The following RREB1 variants were observed in gnomAD, a reference collection of about 807,000 sequenced individuals.
RREB1 encodes the protein ras responsive element binding protein 1.
Under a neutral mutation model 117.8 loss-of-function variants are expected in RREB1, and 27 were observed. The ratio of observed to expected loss-of-function variants is 0.23; its 90% CI spans 0.17 to 0.32. RREB1 has a LOEUF of 0.32. Ranked by LOEUF, RREB1 falls within the 10% of genes least tolerant of loss-of-function variation. RREB1 has a pLI of 1.00. For synonymous variants in RREB1, 1,298 were observed against 1,026.7 expected (o/e 1.26, Z -5.05); for missense variants, 2,577 against 2,378.2 (o/e 1.08, Z -1.74).
At position 7,226,612 on chromosome 6, in the gene RREB1, G is replaced by C. The variant is rs1195604190; in HGVS notation, c.853G>C (p.Gly285Arg). 3.7e-6 allele frequency: 6 copies of C among 1,614,046 alleles called. No individual in the cohort carries two copies. The East Asian group carries it at 1.3e-4, about 36-fold the overall frequency. ...AATTCCTGCTGGCTTCCACGACTTA[G>C]GATTCACGGACTTCTCCTGTAGGAA... ...PSIPAGFHDL[G>R]FTDFSCRKFP... The change falls in exon 9 of 13, where the codon GGA becomes CGA. Residue 285 changes from glycine (G) to arginine (R), a missense_variant. Transcript: ENST00000379938.
rs1158578851 is a variant in RREB1, at chr6:7,226,580, A to G, written c.821A>G (p.Asn274Ser). ...ATGGGCAGACCTTTCATACAGAACA[A>G]CCCTTCAATTCCTGCTGGCTTCCAC... ...DAMGRPFIQN[N>S]PSIPAGFHDL... Residue 274 changes from asparagine (N) to serine (S), a missense_variant, in exon 9 of 13, where the codon AAC (asparagine) becomes AGC (serine). Asn to Ser is a conservative substitution (Grantham distance 46). Transcript: ENST00000379938. 95 of 1,614,102 alleles carry G rather than the reference A, an allele frequency of 5.9e-5. No homozygotes were observed. The highest frequency in any genetic ancestry group is 7.9e-5 in the Non-Finnish European group (93 of 1,180,000).
At position 7,246,351 on chromosome 6, in the gene RREB1, C is replaced by T. The variant is rs986700680; in HGVS notation, c.3974-73C>T. On this transcript the variant is annotated intron_variant, in intron 11 of 12. Transcript: ENST00000379938. ...GCTGCTGGCGTGGGTCTAGCCCATTCCCGGCGACATCCCTGGCATGGGCGT... is the reference window on the plus strand; with the variant it reads ...GCTGCTGGCGTGGGTCTAGCCCATTTCCGGCGACATCCCTGGCATGGGCGT... 28 of 1,354,312 alleles carry T rather than the reference C, an allele frequency of 2.1e-5. No individual in the cohort carries two copies. In the African/African-American group the frequency reaches 4.0e-4, roughly 19 times the overall value. 83.9% of individuals were successfully genotyped at this position (1,354,312 alleles called of 1,614,324 possible).
intron 1 of RREB1, among the ~76,000 whole-genome samples, chr6:7,161,513 T>C (rs767371467): frequency 6.6e-6 from 1 of 152,156 alleles, no homozygotes; most frequent in Non-Finnish European, 1.5e-5. Flanking sequence ...ACATGTATAT[T>C]AGTATGGTTG....
At chr6:7,238,311 C>T (rs1267772404) in intron 10 of RREB1, among the ~76,000 whole-genome samples, 1 of 152,218 alleles carries the variant, frequency 6.6e-6, no homozygotes, top group African/African-American at 2.4e-5. Flanking sequence ...AATCTCTGCT[C>T]ACTGCCACCT....
chr6:7,224,036 A>ATT (rs11400428), intron 8 of RREB1, among the ~76,000 whole-genome samples: 2 of 150,788 alleles, frequency 1.3e-5, no homozygotes, highest in African/African-American at 2.4e-5. Flanking sequence ...TGGACAGAAT[A>ATT]TTTTTTTTTT....
At chr6:7,187,345 A>G in intron 4 of RREB1, 89 bp from the exon 5 acceptor site, 1 of 698,460 alleles carries the variant, frequency 1.4e-6, no homozygotes, top group Admixed American at 2.3e-5. Flanking sequence ...CTACATAGAC[A>G]CAAGTGCTTA....
At chr6:7,113,582 G>A (rs1056348964) in intron 1 of RREB1, among the ~76,000 whole-genome samples, 3 of 152,076 alleles carry the variant, frequency 2.0e-5, no homozygotes, top group Non-Finnish European at 2.9e-5. Flanking sequence ...GGTCCACCCG[G>A]GGGCTGTTAA....
intron 1 of RREB1, among the ~76,000 whole-genome samples, chr6:7,150,040 T>G (rs903324973): frequency 1.3e-5 from 2 of 151,974 alleles, no homozygotes; most frequent in Admixed American, 1.3e-4. Context: ...TTGCTAATTT[T>G]ATTCTTCTCA....
In RREB1 at chr6:7,113,269, G is replaced by A. The variant is rs747475620; in HGVS notation, c.-285+5209G>A. 6.1e-4 allele frequency among the ~76,000 whole-genome samples: 93 copies of A among 152,256 alleles called. No individual in the cohort carries two copies. In the Middle Eastern group the frequency reaches 0.017, roughly 28 times the overall value. ...CAGACAGCCAGAGTGAAGAGAAAAC[G>A]TCTCAGTGGGGGTAATTAGATAAAG... On this transcript the variant is annotated intron_variant, in intron 1 of 12. Transcript: ENST00000379938.
At chr6:7,216,709 A>G (rs1006306142) in intron 8 of RREB1, 2 of 152,244 alleles carry the variant, frequency 1.3e-5, no homozygotes, top group Non-Finnish European at 2.9e-5. Flanking sequence ...AAAAGATAAA[A>G]TATTTGTCAG....
At chr6:7,166,568 AT>A (rs1763939240) in intron 1 of RREB1, among the ~76,000 whole-genome samples, 1 of 152,128 alleles carries the variant, frequency 6.6e-6, no homozygotes, top group South Asian at 2.1e-4. Flanking sequence ...GTAACGTCTG[AT>A]TACGCACTGT....
intron 12 of RREB1, 53 bp downstream of exon 12, chr6:7,247,274 C>A: frequency 6.5e-7 from 1 of 1,532,874 alleles, no homozygotes; most frequent in Admixed American, 2.0e-5. Context: ...GAGCCGGGCA[C>A]CTCTCCTAGG....
chr6:7,149,198 C>T (rs1382861524), intron 1 of RREB1, among the ~76,000 whole-genome samples: 1 of 152,192 alleles, frequency 6.6e-6, no homozygotes, highest in Non-Finnish European at 1.5e-5. Context: ...GCTGGAATTA[C>T]AGTTGTGAGC....
intron 1 of RREB1, among the ~76,000 whole-genome samples, chr6:7,128,019 C>G (rs1669897907): frequency 6.6e-6 from 1 of 152,074 alleles, no homozygotes; most frequent in Non-Finnish European, 1.5e-5. Context: ...TGTAGAGGCA[C>G]AACATTGCCT....
At chr6:7,200,066 C>G (rs887732508) in intron 6 of RREB1, among the ~76,000 whole-genome samples, 1 of 152,106 alleles carries the variant, frequency 6.6e-6, no homozygotes, top group Non-Finnish European at 1.5e-5. Flanking sequence ...TTGACAGTCT[C>G]TTGTGTAGCC....
chr6:7,207,099 GC>G (rs1766318663), intron 6 of RREB1, among the ~76,000 whole-genome samples: 1 of 152,132 alleles, frequency 6.6e-6, no homozygotes, highest in Non-Finnish European at 1.5e-5. Flanking sequence ...GAGCAGAGGG[GC>G]CAGCTTAAGA....
intron 6 of RREB1, among the ~76,000 whole-genome samples, chr6:7,197,625 C>T (rs185333982): frequency 2.6e-5 from 4 of 152,178 alleles, no homozygotes; most frequent in Admixed American, 1.3e-4. Flanking sequence ...GAGATCACGC[C>T]GCTGCACTCC....
chr6:7,238,018 A>G (rs372309203), intron 10 of RREB1, among the ~76,000 whole-genome samples: 9 of 151,950 alleles, frequency 5.9e-5, no homozygotes, highest in South Asian at 4.2e-4. Flanking sequence ...ACCATGTGAC[A>G]GGGGGGAGCG....
chr6:7,246,562 C>T lies in RREB1; in HGVS notation c.4112C>T (p.Ala1371Val), dbSNP rs758957436. The change falls in exon 12 of 13, where the codon GCG becomes GTG. Residue 1371 changes from alanine (A) to valine (V), a missense_variant. Physicochemically the swap from Ala to Val is moderately conservative, Grantham distance 64 (BLOSUM62 0). Transcript: ENST00000379938. ...GATGCGCCTGTGGAGCAGGCCACGG[C>T]GGAAACGGCCTCGCCGGTGCACCGG... ...AGDAPVEQAT[A>V]ETASPVHREE... The T allele has an allele frequency of 4.0e-5, 62 of 1,548,796 alleles. No homozygotes were observed. In the Admixed American group the frequency reaches 6.7e-4, roughly 17 times the overall value.
Sources: allele counts gnomAD v4.1 joint callset (sites outside exome capture counted in the v4.1 genomes callset), GRCh38; gene constraint gnomAD v4.1.1; transcripts MANE v1.5; gene names NCBI Gene and HGNC (gene_info 2026-07-23, HGNC 2026-07-21).